CCDC15: variants seen among roughly 807,000 people sequenced by gnomAD.
The protein encoded by CCDC15 is coiled-coil domain containing 15.
CCDC15 carries 105 observed loss-of-function variants against 114.5 expected under a neutral mutation model. That is an observed-to-expected ratio of 0.92 (90% CI 0.78 to 1.08). CCDC15 has a LOEUF of 1.08. Ranked by LOEUF, CCDC15 falls within the 50% of genes least tolerant of loss-of-function variation. The pLI, the probability that CCDC15 is intolerant of heterozygous loss-of-function variation, is 0.00. For missense variants in CCDC15, 1,105 were observed against 1,093.6 expected, an observed-to-expected ratio of 1.01 and a Z score of -0.15; for synonymous variants, 334 against 377.8, an observed-to-expected ratio of 0.88 and a Z score of 1.34.
Position 124,986,840 on chromosome 11 carries a change from G to T in CCDC15, c.852G>T (p.Gln284His). 1 of 1,561,416 alleles carries T rather than the reference G, an allele frequency of 6.4e-7. No homozygotes were observed. Among genetic ancestry groups the T allele is most frequent in the Admixed American group, 1.9e-5 (1 of 52,186 alleles). The change falls in exon 7 of 16, where the codon CAG (glutamine) becomes CAT (histidine). Residue 284 changes from glutamine (Q) to histidine (H), a missense_variant. By Grantham distance (24) the Gln-to-His change is conservative (BLOSUM62 0). Coordinates refer to ENST00000344762, the MANE Select transcript of CCDC15 (RefSeq NM_025004.3). ...TGTTTGGGAGAGGCCAGCAGGACCA[G>T]CAGGCTATCCATTCTGAAGATAAGA... Reference protein sequence around the residue: ...EDLFGRGQQDQQAIHSEDKNK... With the variant: ...EDLFGRGQQDHQAIHSEDKNK...
chr11:125,005,350 G>A (rs1310880002), intron 13 of CCDC15, 138 bp downstream of exon 13: 4 of 473,972 alleles, frequency 8.4e-6, no homozygotes, highest in East Asian at 3.4e-5. Context: ...TGAAGTATTG[G>A]AAGATGGTGA....
At chr11:124,955,779 T>A (rs1947537716) in intron 2 of CCDC15, among the ~76,000 whole-genome samples, 1 of 152,206 alleles carries the variant, frequency 6.6e-6, no homozygotes, top group South Asian at 2.1e-4. Context: ...ACTATATTCA[T>A]TTTATTTATG....
At chr11:124,969,543 T>A (rs1947845066) in intron 4 of CCDC15, among the ~76,000 whole-genome samples, 1 of 152,208 alleles carries the variant, frequency 6.6e-6, no homozygotes, top group Non-Finnish European at 1.5e-5. Flanking sequence ...GCTTTTTGTT[T>A]CTCACTGAAT....
At chr11:124,991,809 G>A (rs1223227294) in intron 9 of CCDC15, among the ~76,000 whole-genome samples, 3 of 152,126 alleles carry the variant, frequency 2.0e-5, no homozygotes, top group South Asian at 2.1e-4. Flanking sequence ...TCAGCCTCCC[G>A]AGTAGCTGGG....
chr11:125,013,001 T>A (rs1948604791), intron 13 of CCDC15, among the ~76,000 whole-genome samples: 1 of 152,170 alleles, frequency 6.6e-6, no homozygotes, highest in Admixed American at 6.5e-5. Context: ...ATCTTCTAGT[T>A]TGTTGATAGC....
chr11:125,019,603 A>G (rs1948649311), intron 13 of CCDC15, among the ~76,000 whole-genome samples: 1 of 151,970 alleles, frequency 6.6e-6, no homozygotes, highest in Admixed American at 6.6e-5. Flanking sequence ...AGGAGGAGGT[A>G]GTTTTAAGAG....
At chr11:124,956,205 T>TTGCTTCAAAA (rs1315351007) in intron 2 of CCDC15, among the ~76,000 whole-genome samples, 8 of 152,162 alleles carry the variant, frequency 5.3e-5, no homozygotes, top group Non-Finnish European at 1.0e-4. Context: ...TTTAGATGAA[T>TTGCTTCAAAA]TGCTTCAAAG....
intron 13 of CCDC15, among the ~76,000 whole-genome samples, chr11:125,021,879 C>T (rs527679933): frequency 2.9e-4 from 44 of 152,024 alleles, no homozygotes; most frequent in African/African-American, 8.7e-4. Context: ...TCATTGACTT[C>T]GCTCTGTTTA....
At chr11:125,038,704 A>T in intron 14 of CCDC15, 100 bp downstream of exon 14, 1 of 1,259,406 alleles carries the variant, frequency 7.9e-7, no homozygotes, top group South Asian at 1.7e-5. Flanking sequence ...GTGTCTTTTC[A>T]TACTTTTCCT....
intron 13 of CCDC15, among the ~76,000 whole-genome samples, chr11:125,017,104 G>A (rs1430140282): frequency 6.6e-6 from 1 of 152,128 alleles, no homozygotes; most frequent in African/African-American, 2.4e-5. Context: ...CACCTTAGCA[G>A]CATTCTAAAA....
Position 124,959,809 on chromosome 11 carries a change from G to T in CCDC15, c.328-6G>T. ...TGTTACTATCCCCCTTTCTTCTTTC[G>T]TGTAGGCACAAAAAGAAGGCTCCAT... On this transcript the variant is annotated splice_polypyrimidine_tract_variant and splice_region_variant and intron_variant, in intron 3 of 15. Coordinates refer to ENST00000344762, the MANE Select transcript of CCDC15 (RefSeq NM_025004.3). 1 of 1,577,516 alleles carries T rather than the reference G, an allele frequency of 6.3e-7. No individual in the cohort carries two copies. The highest frequency in any genetic ancestry group is 8.6e-7 in the Non-Finnish European group (1 of 1,163,488).
intron 13 of CCDC15, among the ~76,000 whole-genome samples, chr11:125,009,298 T>C (rs1480417019): frequency 1.3e-5 from 2 of 152,150 alleles, no homozygotes; most frequent in Non-Finnish European, 2.9e-5. Context: ...TGACATACTA[T>C]GCATAATGCA....
chr11:124,968,139 G>A (rs558033416), intron 4 of CCDC15, among the ~76,000 whole-genome samples: 69 of 152,320 alleles, frequency 4.5e-4, no homozygotes, highest in African/African-American at 1.1e-3. Flanking sequence ...CAGTATGTCC[G>A]TTCTCAGAGC....
chr11:124,965,780 T>C (rs890284190), intron 4 of CCDC15, among the ~76,000 whole-genome samples: 1 of 152,214 alleles, frequency 6.6e-6, no homozygotes, highest in Non-Finnish European at 1.5e-5. Flanking sequence ...GGGCATTTAG[T>C]GCTATAAATT....
chr11:125,033,869 C>T (rs1948757774), intron 13 of CCDC15, among the ~76,000 whole-genome samples: 1 of 152,212 alleles, frequency 6.6e-6, no homozygotes, highest in African/African-American at 2.4e-5. Context: ...CATCATCCCA[C>T]ACCTTAATAT....
chr11:125,024,654 G>T (rs1948683224), intron 13 of CCDC15, among the ~76,000 whole-genome samples: 1 of 152,132 alleles, frequency 6.6e-6, no homozygotes, highest in African/African-American at 2.4e-5. Flanking sequence ...TATGGATCCT[G>T]TTCCCTGCAA....
chr11:124,986,748 G>C lies in CCDC15; in HGVS notation c.760G>C (p.Asp254His). 6.6e-7 allele frequency: 1 copy of C among 1,525,522 alleles called. No individual in the cohort carries two copies. The highest frequency in any genetic ancestry group is 8.8e-7 in the Non-Finnish European group (1 of 1,135,512). The allele number at this position is 1,525,522 out of a possible 1,614,324, so 94.5% of individuals were successfully genotyped here. Residue 254 changes from aspartate (D) to histidine (H), a missense_variant, in exon 7 of 16, where the codon GAC (aspartate) becomes CAC (histidine). Physicochemically the swap from Asp to His is moderately conservative, Grantham distance 81. Coordinates refer to ENST00000344762, the MANE Select transcript of CCDC15 (RefSeq NM_025004.3). ...TCATTGTTTTTTTCTTTAGGAACTT[G>C]ACTATGAGGAACCTGACTATGAGGA... ...YQNYMENQELDYEEPDYEESS... is the reference protein window; with the variant it reads ...YQNYMENQELHYEEPDYEESS...
intron 8 of CCDC15, among the ~76,000 whole-genome samples, chr11:124,990,119 A>G (rs138945044): frequency 0.011 from 1,648 of 152,206 alleles, 13 homozygotes; most frequent in Middle Eastern, 0.02. Context: ...TCTTTCTTTC[A>G]CTTGAACACT....
rs573700381 is a variant in CCDC15 at position 125,023,615 on chromosome 11, C to G, written c.2412-14816C>G. Among the ~76,000 whole-genome samples, 10 of 151,928 alleles carry G rather than the reference C, an allele frequency of 6.6e-5. No homozygotes were observed. In the East Asian group the frequency reaches 1.4e-3, roughly 21 times the overall value. The stretch of plus-strand genomic sequence containing the variant: ...TACCAGCTCATACTCACTAGATTGG[C>G]TATAATTTAAAAAACGACAGATAAA... On this transcript the variant is annotated intron_variant, in intron 13 of 15. Coordinates refer to ENST00000344762, the MANE Select transcript of CCDC15 (RefSeq NM_025004.3).
Sources: gnomAD v4.1 joint callset for allele counts (sites outside exome capture counted in the v4.1 genomes callset) on GRCh38, gnomAD v4.1.1 for gene constraint, MANE v1.5 for transcripts, NCBI Gene and HGNC (gene_info 2026-07-23, HGNC 2026-07-21) for gene names.